Variants in SNX25 observed in about 807,000 individuals in gnomAD.
The protein encoded by SNX25 is sorting nexin-25.
In SNX25, 62 loss-of-function variants were observed where a neutral mutation model predicts 113.7. The observed-to-expected ratio is 0.55, with a 90% CI of 0.44 to 0.67. The LOEUF is 0.67. SNX25 is among the 30% of genes least tolerant of loss of function. SNX25 has a pLI of 0.00. For synonymous variants in SNX25, 421 were observed against 436.2 expected (o/e 0.97, Z 0.43); for missense variants, 1,014 against 1,161.0 (o/e 0.87, Z 1.84).
intron 1 of SNX25, among the ~76,000 whole-genome samples, chr4:185,215,089 G>A (rs962631522): frequency 6.6e-6 from 1 of 152,110 alleles, no homozygotes; most frequent in Admixed American, 6.5e-5. Flanking sequence ...AATTAGCCGG[G>A]CGTGGTGCGG....
downstream of SNX25, chr4:185,366,799 A>G (rs944669563): frequency 1.9e-5 from 3 of 154,942 alleles, no homozygotes; most frequent in African/African-American, 7.2e-5. Flanking sequence ...AAACTTTCAA[A>G]TGATGGTTTT....
chr4:185,378,200 T>C, the SNX25 span: 2 of 1,612,144 alleles, frequency 1.2e-6, no homozygotes, highest in Non-Finnish European at 1.7e-6. Flanking sequence ...TTTTCTGCAA[T>C]GTGTATTCTA....
intron 13 of SNX25, among the ~76,000 whole-genome samples, chr4:185,350,515 T>C (rs6810987): frequency 0.39 from 59,567 of 152,050 alleles, 14,055 homozygotes; most frequent in African/African-American, 0.67. Flanking sequence ...TCTCCTAAGG[T>C]CAGGTAAGTA....
Position 185,358,341 on chromosome 4 carries a change from C to CT in SNX25, c.2651+607dup, listed in dbSNP as rs1343785820. 5.9e-5 allele frequency among the ~76,000 whole-genome samples: 9 copies of CT among 152,132 alleles called. No individual in the cohort carries two copies. In the South Asian group the frequency reaches 8.3e-4, roughly 14 times the overall value. On this transcript the variant is annotated intron_variant, in intron 16 of 18. Transcript: ENST00000652585. ...AAAGGCATTATATATGTATCCCAGTCTTTCACTGAGTGTTCTAATGTTGCT... is the reference window on the plus strand; with the variant it reads ...AAAGGCATTATATATGTATCCCAGTCTTTTCACTGAGTGTTCTAATGTTGCT...
At chr4:185,306,090 G>A (rs924999013) in intron 6 of SNX25, among the ~76,000 whole-genome samples, 5 of 152,130 alleles carry the variant, frequency 3.3e-5, no homozygotes, top group African/African-American at 1.2e-4. Context: ...GCTGGGTCAC[G>A]GGGTGTTGTC....
chr4:185,330,603 T>C (rs1315338790), intron 9 of SNX25, among the ~76,000 whole-genome samples: 2 of 152,192 alleles, frequency 1.3e-5, no homozygotes, highest in Non-Finnish European at 2.9e-5. Context: ...GTTTTAAGGT[T>C]TGTACGAAGA....
chr4:185,338,822 T>C (rs1024975302), intron 10 of SNX25, among the ~76,000 whole-genome samples: 3 of 152,208 alleles, frequency 2.0e-5, no homozygotes, highest in Non-Finnish European at 4.4e-5. Flanking sequence ...ATTCCCTTGT[T>C]CTATATGTCT....
At position 185,361,912 on chromosome 4, in the gene SNX25, T is replaced by C. The variant is rs2095366361; in HGVS notation, c.2652-12T>C. ...TAAAAACCTCATCCAAGAAATCTTT[T>C]TCTCTTAAAAGACAAATCCGGGACA... On this transcript the variant is annotated splice_polypyrimidine_tract_variant and intron_variant, in intron 16 of 18. Coordinates refer to ENST00000652585, the MANE Select transcript of SNX25 (RefSeq NM_001378034.2). The C allele has an allele frequency of 6.2e-7, 1 of 1,611,040 alleles. No individual in the cohort carries two copies.
downstream of SNX25, chr4:185,373,006 A>G (rs746860044): frequency 1.2e-6 from 2 of 1,613,850 alleles, no homozygotes; most frequent in Admixed American, 1.7e-5. Context: ...TTGTCCATAC[A>G]AGTACATGAG....
intron 5 of SNX25, among the ~76,000 whole-genome samples, chr4:185,281,853 G>A (rs912279062): frequency 6.6e-6 from 1 of 151,734 alleles, no homozygotes; most frequent in African/African-American, 2.4e-5. Flanking sequence ...TCATCTCTAC[G>A]AAAAATACAA....
At chr4:185,315,413 C>T in intron 7 of SNX25, among the ~76,000 whole-genome samples, 1 of 151,176 alleles carries the variant, frequency 6.6e-6, no homozygotes, top group African/African-American at 2.4e-5. Context: ...CCTCCCTCAG[C>T]CTCCCGAGTA....
chr4:185,305,945 A>G (rs1430688010), intron 6 of SNX25, among the ~76,000 whole-genome samples: 2 of 152,244 alleles, frequency 1.3e-5, no homozygotes, highest in East Asian at 3.8e-4. Flanking sequence ...TTAAAGACAC[A>G]CTGCCATCCG....
At chr4:185,220,220 G>A (rs1054818750) in intron 1 of SNX25, among the ~76,000 whole-genome samples, 13 of 152,220 alleles carry the variant, frequency 8.5e-5, no homozygotes, top group African/African-American at 3.1e-4. Context: ...CCCGAAGCTT[G>A]AGTCTGTGAC....
rs555798298 is a variant in SNX25 at position 185,216,074 on chromosome 4, G to A, written c.429+5819G>A. Among the ~76,000 whole-genome samples, 24 of 152,236 alleles carry A rather than the reference G, an allele frequency of 1.6e-4. 1 individual carries two copies. In the South Asian group the frequency reaches 3.9e-3, roughly 25 times the overall value. On this transcript the variant is annotated intron_variant, in intron 1 of 18. Coordinates refer to ENST00000652585, the MANE Select transcript of SNX25 (RefSeq NM_001378034.2). ...GGCCTCCCAAAGTGCTGGGATTACAGGTGTGAGTCATCTTGCCTGACTTAA... is the reference window on the plus strand; with the variant it reads ...GGCCTCCCAAAGTGCTGGGATTACAAGTGTGAGTCATCTTGCCTGACTTAA...
downstream of SNX25, chr4:185,374,592 G>A: frequency 1.0e-6 from 1 of 952,560 alleles, no homozygotes. Flanking sequence ...GTGCCCAAGG[G>A]GTACAATTGT....
chr4:185,324,672 T>C (rs1286028234), intron 9 of SNX25, among the ~76,000 whole-genome samples: 2 of 152,204 alleles, frequency 1.3e-5, no homozygotes, highest in African/African-American at 4.8e-5. Flanking sequence ...TTGTGGTTTA[T>C]GGTCTTACTG....
intron 5 of SNX25, among the ~76,000 whole-genome samples, chr4:185,279,191 G>T (rs1356530226): frequency 6.6e-6 from 1 of 151,780 alleles, no homozygotes; most frequent in African/African-American, 2.4e-5. Flanking sequence ...AGGGAGACAG[G>T]TGTGCATGTG....
At chr4:185,329,938 GGCTGCT>G (rs2095182674) in intron 9 of SNX25, among the ~76,000 whole-genome samples, 1 of 152,054 alleles carries the variant, frequency 6.6e-6, no homozygotes, top group Non-Finnish European at 1.5e-5. Flanking sequence ...TAGTGGGATG[GGCTGCT>G]GCTGCCCACT....
chr4:185,370,969 G>T, downstream of SNX25: 1 of 688,600 alleles, frequency 1.5e-6, no homozygotes, highest in Non-Finnish European at 2.4e-6. Context: ...GTCCATGTAG[G>T]CACCTCATAC....
Sources: gnomAD v4.1 joint callset for allele counts (sites outside exome capture counted in the v4.1 genomes callset) on GRCh38, gnomAD v4.1.1 for gene constraint, MANE v1.5 for transcripts, NCBI Gene and HGNC (gene_info 2026-07-23, HGNC 2026-07-21) for gene names.